CES1: variants seen among roughly 807,000 people sequenced by gnomAD.
CES1 encodes liver carboxylesterase 1.
A neutral mutation model predicts 53.0 loss-of-function variants in CES1; 50 were observed. The observed-to-expected ratio is 0.94, with a 90% CI of 0.75 to 1.19. The LOEUF is 1.19. CES1 is among the 50% of genes most tolerant of loss of function. The probability of loss-of-function intolerance (pLI) is 0.00; values close to 1 mark genes in which losing one functional copy is unlikely to be tolerated. For missense variants in CES1, 534 were observed against 538.0 expected (o/e 0.99, Z 0.07); for synonymous variants, 202 against 210.1 (o/e 0.96, Z 0.33).
chr16:55,811,703 C>T (rs1181677249), intron 9 of CES1, among the ~76,000 whole-genome samples: 6 of 152,164 alleles, frequency 3.9e-5, no homozygotes, highest in South Asian at 2.1e-4. Context: ...GCCAGGTCCC[C>T]GAACCCAACT....
At chr16:55,811,649 C>A (rs140912774) in intron 9 of CES1, among the ~76,000 whole-genome samples, 130 of 152,312 alleles carry the variant, frequency 8.5e-4, no homozygotes, top group Admixed American at 5.7e-3. Context: ...CTCAACCCTG[C>A]CAGGACAATT....
Position 55,827,914 on chromosome 16 carries a change from C to T in CES1, c.260+853G>A, listed in dbSNP as rs528114566. 3.9e-5 allele frequency: 6 copies of T among 152,304 alleles called. No homozygotes were observed. In the East Asian group the frequency reaches 1.2e-3, roughly 29 times the overall value. 9.4% of individuals were successfully genotyped at this position (152,304 alleles called of 1,614,324 possible). Reference sequence around the variant, plus strand: ...CATCTAAAATACTGATAGTTGTTCTCTCTGGGTGGTGGAATATTGTATGTG... The same window carrying T: ...CATCTAAAATACTGATAGTTGTTCTTTCTGGGTGGTGGAATATTGTATGTG... On this transcript the variant is annotated intron_variant, in intron 2 of 13. Transcript: ENST00000360526.
At chr16:55,829,887 G>C (rs572143352) in intron 1 of CES1, among the ~76,000 whole-genome samples, 3 of 152,302 alleles carry the variant, frequency 2.0e-5, no homozygotes, top group Non-Finnish European at 4.4e-5. Context: ...CACAGCCTCC[G>C]CATCAGTTCT....
intron 1 of CES1, among the ~76,000 whole-genome samples, chr16:55,832,458 G>T (rs1481590945): frequency 2.0e-4 from 31 of 151,920 alleles, no homozygotes; most frequent in South Asian, 1.9e-3. Flanking sequence ...ACCAGGCGCT[G>T]CCAAGAGTGC....
intron 8 of CES1, among the ~76,000 whole-genome samples, chr16:55,815,406 G>C (rs1483896930): frequency 6.6e-6 from 1 of 152,190 alleles, no homozygotes; most frequent in Non-Finnish European, 1.5e-5. Flanking sequence ...AGAAGGTGAA[G>C]TAGAAGAGGC....
Position 55,832,880 on chromosome 16 carries a change from G to T in CES1, c.52+124C>A, listed in dbSNP as rs544318959. On this transcript the variant is annotated intron_variant, in intron 1 of 13. Coordinates refer to ENST00000360526, the MANE Select transcript of CES1 (RefSeq NM_001025195.2). Reference sequence around the variant, plus strand: ...TGCTCCAAGTCCAAGTCCTAATATGGAAGTCGTGCCCCGCCGCAGAGCCGG... The same window carrying T: ...TGCTCCAAGTCCAAGTCCTAATATGTAAGTCGTGCCCCGCCGCAGAGCCGG... 147 of 936,972 alleles carry T rather than the reference G, an allele frequency of 1.6e-4. 2 individuals are homozygous for T. In the African/African-American group the frequency reaches 2.0e-3, roughly 13 times the overall value. 58.0% of individuals were successfully genotyped at this position (936,972 alleles called of 1,614,324 possible).
At chr16:55,821,574 C>T (rs1206114281) in intron 4 of CES1, 53 bp from the exon 5 acceptor site, 3 of 1,603,016 alleles carry the variant, frequency 1.9e-6, no homozygotes, top group South Asian at 1.1e-5. Flanking sequence ...CATGCAGGAC[C>T]TTCAGGACCA....
intron 4 of CES1, among the ~76,000 whole-genome samples, chr16:55,821,837 C>T (rs778542055): frequency 6.6e-6 from 1 of 152,016 alleles, no homozygotes. Flanking sequence ...TAAACAGATA[C>T]ATAGAGAGAA....
chr16:55,826,747 G>C (rs1265532736), intron 2 of CES1, among the ~76,000 whole-genome samples: 10 of 152,152 alleles, frequency 6.6e-5, no homozygotes, highest in Admixed American at 5.9e-4. Context: ...TAAGTGAGCG[G>C]AGTGATTTCT....
At chr16:55,813,160 C>T in intron 8 of CES1, 117 bp from the exon 9 acceptor site, 1 of 1,405,662 alleles carries the variant, frequency 7.1e-7, no homozygotes, top group South Asian at 1.2e-5. Context: ...TGCGCCATGG[C>T]TGCACATGCT....
intron 1 of CES1, among the ~76,000 whole-genome samples, chr16:55,830,564 A>G (rs1451231470): frequency 2.0e-5 from 3 of 152,188 alleles, no homozygotes; most frequent in African/African-American, 7.2e-5. Context: ...GCACTTTGGG[A>G]GGCCAAGGCA....
rs141327529 is a variant in CES1, at chr16:55,826,581, C to A, written c.261-286G>T. Among the ~76,000 whole-genome samples the A allele has an allele frequency of 1.7e-3, 256 of 152,280 alleles. 2 individuals carry two copies. In the South Asian group the frequency reaches 0.05, roughly 30 times the overall value. ...GAGGGGAGACCACTAATACACTGAT[C>A]CTCCCTGGGAGGTGACATTTCTCAC... On this transcript the variant is annotated intron_variant, in intron 2 of 13. Coordinates refer to ENST00000360526, the MANE Select transcript of CES1 (RefSeq NM_001025195.2).
intron 7 of CES1, among the ~76,000 whole-genome samples, chr16:55,818,095 G>A (rs138131301): frequency 9.6e-4 from 146 of 152,336 alleles, no homozygotes; most frequent in African/African-American, 3.4e-3. Context: ...CAGTGATAGA[G>A]GCCAGCCCTG....
chr16:55,822,599 G>A (rs1466850239), intron 4 of CES1, among the ~76,000 whole-genome samples: 2 of 152,160 alleles, frequency 1.3e-5, no homozygotes, highest in Admixed American at 6.5e-5. Context: ...CAGGGGTGGG[G>A]AGGAGGGAGT....
At chr16:55,825,351 C>T (rs1471285003) in intron 3 of CES1, among the ~76,000 whole-genome samples, 2 of 152,202 alleles carry the variant, frequency 1.3e-5, no homozygotes, top group South Asian at 4.1e-4. Context: ...CACAACACCC[C>T]TTGTTTTTTC....
intron 5 of CES1, among the ~76,000 whole-genome samples, chr16:55,820,792 T>C (rs1276441136): frequency 6.6e-6 from 1 of 151,752 alleles, no homozygotes; most frequent in African/African-American, 2.4e-5. Context: ...CGCGGCTCCA[T>C]CCCTCCTTCC....
intron 11 of CES1, among the ~76,000 whole-genome samples, chr16:55,809,640 C>A (rs1335732784): frequency 6.6e-6 from 1 of 152,214 alleles, no homozygotes; most frequent in African/African-American, 2.4e-5. Flanking sequence ...CATGCTACTG[C>A]ACGCACTGAG....
rs777909006 is a variant in CES1, at chr16:55,810,652, C to T, written c.1183G>A (p.Glu395Lys). The change falls in exon 11 of 14, where the codon GAA (glutamate) becomes AAA (lysine). Residue 395 changes from glutamate (E) to lysine (K), a missense_variant. Glu to Lys is a moderately conservative substitution (Grantham distance 56). Coordinates refer to ENST00000360526, the MANE Select transcript of CES1 (RefSeq NM_001025195.2). ...TTCTCAGTGGCTTCTGGAATCAGTT[C>T]CTTAGCAATGCACTGAAATAGATCA... ...KSYPLVCIAK[E>K]LIPEATEKYL... is the part of the protein sequence containing the mutation. The T allele has an allele frequency of 1.9e-6, 3 of 1,614,166 alleles. No individual in the cohort carries two copies. Among genetic ancestry groups the T allele is most frequent in the Non-Finnish European group, 2.5e-6 (3 of 1,180,024 alleles).
chr16:55,820,864 G>C (rs1174318102), intron 5 of CES1, among the ~76,000 whole-genome samples: 1 of 151,990 alleles, frequency 6.6e-6, no homozygotes, highest in East Asian at 1.9e-4. Context: ...CTCCTTCTTG[G>C]GCATGGACAA....
Sources: allele counts gnomAD v4.1 joint callset (sites outside exome capture counted in the v4.1 genomes callset), GRCh38; gene constraint gnomAD v4.1.1; transcripts MANE v1.5; gene names NCBI Gene and HGNC (gene_info 2026-07-23, HGNC 2026-07-21).